LRBA: variants seen among roughly 807,000 people sequenced by gnomAD.
LRBA encodes LPS responsive beige-like anchor protein.
LRBA carries 176 observed loss-of-function variants against 330.0 expected under a neutral mutation model. That is an observed-to-expected ratio of 0.53 (90% CI 0.47 to 0.60). The LOEUF (loss-of-function observed/expected upper bound fraction) is 0.60. Ranked by LOEUF, LRBA falls within the 20% of genes least tolerant of loss-of-function variation. The pLI is 0.00. For synonymous variants in LRBA, 1,230 were observed against 1,193.0 expected, an observed-to-expected ratio of 1.03 and a Z score of -0.64; for missense variants, 3,259 against 3,444.8, an observed-to-expected ratio of 0.95 and a Z score of 1.35.
At chr4:150,856,505 A>G (rs1560922440) in intron 22 of LRBA, among the ~76,000 whole-genome samples, 1 of 152,216 alleles carries the variant, frequency 6.6e-6, no homozygotes, top group Non-Finnish European at 1.5e-5. Context: ...AAAGGTATTT[A>G]TTCTCGCTTC....
At chr4:150,606,523 A>G (rs895827007) in intron 37 of LRBA, among the ~76,000 whole-genome samples, 1 of 152,144 alleles carries the variant, frequency 6.6e-6, no homozygotes, top group Admixed American at 6.5e-5. Flanking sequence ...GGAAATTATT[A>G]AATATAAAAA....
intron 42 of LRBA, among the ~76,000 whole-genome samples, chr4:150,483,907 T>A (rs1197255972): frequency 6.6e-6 from 1 of 152,108 alleles, no homozygotes; most frequent in Non-Finnish European, 1.5e-5. Context: ...AACACTAGTT[T>A]TAATTTCAAT....
intron 29 of LRBA, 146 bp downstream of exon 29, chr4:150,831,671 C>A: frequency 3.9e-6 from 2 of 515,476 alleles, no homozygotes; most frequent in Non-Finnish European, 6.2e-6. Context: ...TAAGCCACAA[C>A]TTTTAGTTAA....
At chr4:150,809,019 A>G (rs1480200949) in intron 31 of LRBA, among the ~76,000 whole-genome samples, 1 of 152,192 alleles carries the variant, frequency 6.6e-6, no homozygotes, top group East Asian at 1.9e-4. Context: ...AAGTGATTAG[A>G]AACACATCAA....
chr4:150,914,431 A>G (rs1030361784), intron 8 of LRBA, 90 bp from the exon 9 acceptor site: 3 of 871,712 alleles, frequency 3.4e-6, no homozygotes, highest in Non-Finnish European at 5.0e-6. Flanking sequence ...TGTTTTGTCC[A>G]TTCTAAACTG....
chr4:150,451,351 C>T (rs1382681471), intron 44 of LRBA, among the ~76,000 whole-genome samples: 1 of 152,144 alleles, frequency 6.6e-6, no homozygotes. Context: ...AATCATACAG[C>T]GTATGTTCCT....
intron 2 of LRBA, among the ~76,000 whole-genome samples, chr4:150,988,978 T>C (rs1741767411): frequency 6.6e-6 from 1 of 151,970 alleles, no homozygotes; most frequent in African/African-American, 2.4e-5. Context: ...ATTAATTAAG[T>C]GCCTATAAAG....
At chr4:150,305,606 A>C (rs1476076226) in intron 52 of LRBA, among the ~76,000 whole-genome samples, 1 of 152,226 alleles carries the variant, frequency 6.6e-6, no homozygotes, top group African/African-American at 2.4e-5. Context: ...GAGTATTATA[A>C]AAGAACAAGG....
intron 40 of LRBA, among the ~76,000 whole-genome samples, chr4:150,570,267 A>G (rs1246255868): frequency 6.6e-6 from 1 of 152,122 alleles, no homozygotes; most frequent in East Asian, 1.9e-4. Flanking sequence ...TAGGGGGCTA[A>G]AAGGCCTGTC....
Position 150,817,184 on chromosome 4 carries a change from C to T in LRBA, c.5245G>A (p.Val1749Ile). Residue 1749 changes from valine (V) to isoleucine (I), a missense_variant, in exon 31 of 57, where the codon GTC becomes ATC. By Grantham distance (29) the Val-to-Ile change is conservative (BLOSUM62 3). Coordinates refer to ENST00000651943, the MANE Select transcript of LRBA (RefSeq NM_001364905.1). ...TFNTSIPTNA[V>I]SVVSSVDSAQ... The stretch of plus-strand genomic sequence containing the variant: ...GAATCTACTGAGGAAACCACACTGA[C>T]AGCATTGGTAGGTATGCTTGTATTA... The T allele has an allele frequency of 1.9e-6, 3 of 1,611,898 alleles. No individual in the cohort carries two copies. The highest frequency in any genetic ancestry group is 2.5e-6 in the Non-Finnish European group (3 of 1,178,376).
At chr4:150,890,550 A>G (rs1172174970) in intron 17 of LRBA, among the ~76,000 whole-genome samples, 1 of 152,240 alleles carries the variant, frequency 6.6e-6, no homozygotes, top group East Asian at 1.9e-4. Context: ...GATATTAGAA[A>G]AAGAGGAGAT....
chr4:150,564,562 T>C (rs1158823378), intron 40 of LRBA, among the ~76,000 whole-genome samples: 2 of 152,140 alleles, frequency 1.3e-5, no homozygotes, highest in East Asian at 3.8e-4. Context: ...AAAGAGCTTC[T>C]GCACAGCAAA....
intron 44 of LRBA, among the ~76,000 whole-genome samples, chr4:150,464,370 G>A (rs1453487986): frequency 2.0e-5 from 3 of 151,974 alleles, no homozygotes; most frequent in African/African-American, 2.4e-5. Flanking sequence ...TAGAGAGAGA[G>A]TAGGGTATAA....
At chr4:150,964,521 A>AC (rs1738659045) in intron 2 of LRBA, among the ~76,000 whole-genome samples, 1 of 150,358 alleles carries the variant, frequency 6.7e-6, no homozygotes, top group African/African-American at 2.5e-5. Flanking sequence ...CTATAACCTT[A>AC]CCCCCAACCC....
intron 34 of LRBA, among the ~76,000 whole-genome samples, chr4:150,780,633 A>ATATATATACACG (rs376516369): frequency 1.7e-5 from 2 of 118,790 alleles, no homozygotes; most frequent in Admixed American, 8.7e-5. Flanking sequence ...ATATACACGT[A>ATATATATACACG]TATATATATA....
At chr4:150,646,745 T>G (rs1361670125) in intron 37 of LRBA, among the ~76,000 whole-genome samples, 1 of 152,038 alleles carries the variant, frequency 6.6e-6, no homozygotes, top group African/African-American at 2.4e-5. Context: ...TCACTATAGG[T>G]TGCACATACC....
chr4:150,459,908 A>T (rs1427013690), intron 44 of LRBA, among the ~76,000 whole-genome samples: 1 of 151,940 alleles, frequency 6.6e-6, no homozygotes, highest in African/African-American at 2.4e-5. Flanking sequence ...ACAATTTAAG[A>T]TCTATTATTT....
chr4:150,601,694 A>AT lies in LRBA; in HGVS notation c.5922-2564dup, dbSNP rs200390698. Among the ~76,000 whole-genome samples, 3 of 151,116 alleles carry AT rather than the reference A, an allele frequency of 2.0e-5. No homozygotes were observed. The East Asian group carries it at 5.8e-4, about 29-fold the overall frequency. On this transcript the variant is annotated intron_variant, in intron 37 of 56. Transcript: ENST00000651943. ...TACTGTCTTCAAATATATTCTATCA[A>AT]TTTTTTTTTCTTTTTGAGTTGGAGT... is the stretch of plus-strand genomic sequence containing the variant.
intron 47 of LRBA, among the ~76,000 whole-genome samples, chr4:150,401,920 G>C (rs976929427): frequency 6.6e-6 from 1 of 151,762 alleles, no homozygotes; most frequent in African/African-American, 2.4e-5. Context: ...GGAGAGAGAG[G>C]AGGAAGGGAG....
Sources: allele counts gnomAD v4.1 joint callset (sites outside exome capture counted in the v4.1 genomes callset), GRCh38; gene constraint gnomAD v4.1.1; transcripts MANE v1.5; gene names NCBI Gene and HGNC (gene_info 2026-07-23, HGNC 2026-07-21).